OPCML: variants seen among roughly 807,000 people sequenced by gnomAD.
OPCML encodes opioid binding protein/cell adhesion molecule like.
Under a neutral mutation model 37.8 loss-of-function variants are expected in OPCML, and 13 were observed. The ratio of observed to expected loss-of-function variants is 0.34; its 90% CI spans 0.22 to 0.55. The LOEUF (loss-of-function observed/expected upper bound fraction) is 0.55, where lower values mean the gene tolerates loss of function less well. OPCML is among the 20% of genes least tolerant of loss of function. The pLI, the probability that OPCML is intolerant of heterozygous loss-of-function variation, is 0.91. For missense variants in OPCML, 341 were observed against 435.6 expected (o/e 0.78, Z 1.93); for synonymous variants, 176 against 168.8 (o/e 1.04, Z -0.33).
chr11:133,456,831 C>T (rs1233545020), intron 1 of OPCML, among the ~76,000 whole-genome samples: 2 of 149,992 alleles, frequency 1.3e-5, no homozygotes, highest in African/African-American at 4.9e-5. Flanking sequence ...TTGAAATCAT[C>T]AACTCTGAAG....
At chr11:133,353,432 T>A (rs1160714238) in intron 1 of OPCML, among the ~76,000 whole-genome samples, 1 of 152,140 alleles carries the variant, frequency 6.6e-6, no homozygotes, top group African/African-American at 2.4e-5. Context: ...TGTGCTTGGA[T>A]TACAGGCATG....
chr11:132,691,903 G>A (rs1413272027), intron 2 of OPCML, among the ~76,000 whole-genome samples: 18 of 152,170 alleles, frequency 1.2e-4, no homozygotes, highest in Admixed American at 1.0e-3. Flanking sequence ...AGCTCCAGTT[G>A]ACAGTATCGA....
chr11:133,390,728 T>G (rs1275430901), intron 1 of OPCML, among the ~76,000 whole-genome samples: 1 of 152,006 alleles, frequency 6.6e-6, no homozygotes, highest in Non-Finnish European at 1.5e-5. Flanking sequence ...CTCTAACAAC[T>G]CAATGCAGTT....
intron 3 of OPCML, among the ~76,000 whole-genome samples, chr11:132,646,708 A>T (rs1422245018): frequency 6.6e-6 from 1 of 152,196 alleles, no homozygotes; most frequent in African/African-American, 2.4e-5. Flanking sequence ...TTTTATACAC[A>T]ATGGTGTTTC....
chr11:132,544,793 G>A (rs943786263), intron 3 of OPCML, among the ~76,000 whole-genome samples: 6 of 152,172 alleles, frequency 3.9e-5, no homozygotes, highest in Admixed American at 1.3e-4. Context: ...TTTCCCACTT[G>A]TATAAATCAG....
intron 4 of OPCML, among the ~76,000 whole-genome samples, chr11:132,479,720 G>A (rs530687503): frequency 6.6e-6 from 1 of 152,290 alleles, no homozygotes; most frequent in African/African-American, 2.4e-5. Context: ...CCTGACCCCT[G>A]ACCCCCAAGC....
At chr11:133,031,216 C>G (rs935060583) in intron 1 of OPCML, among the ~76,000 whole-genome samples, 5 of 150,952 alleles carry the variant, frequency 3.3e-5, no homozygotes, top group Non-Finnish European at 7.4e-5. Context: ...GGTGGATGGA[C>G]AGATGGATGC....
At chr11:133,405,753 G>T (rs1945512295) in intron 1 of OPCML, among the ~76,000 whole-genome samples, 1 of 152,118 alleles carries the variant, frequency 6.6e-6, no homozygotes, top group African/African-American at 2.4e-5. Flanking sequence ...GAGCCTTCCT[G>T]ATCAGATTAT....
intron 4 of OPCML, among the ~76,000 whole-genome samples, chr11:132,439,113 C>T (rs2096023126): frequency 6.6e-6 from 1 of 152,286 alleles, no homozygotes; most frequent in East Asian, 1.9e-4. Flanking sequence ...CTACCCTCCT[C>T]AAACCTGGTC....
chr11:133,484,835 T>A (rs1947493467), intron 1 of OPCML, among the ~76,000 whole-genome samples: 1 of 152,132 alleles, frequency 6.6e-6, no homozygotes, highest in African/African-American at 2.4e-5. Flanking sequence ...AATTACTTTC[T>A]TGGCATTCAA....
chr11:133,299,410 T>A (rs966118441), intron 1 of OPCML: 1 of 152,260 alleles, frequency 6.6e-6, no homozygotes, highest in Non-Finnish European at 1.5e-5. Flanking sequence ...CAAAGCAGCT[T>A]ATGAACATCA....
chr11:133,478,622 A>T (rs951215799), intron 1 of OPCML, among the ~76,000 whole-genome samples: 1 of 152,202 alleles, frequency 6.6e-6, no homozygotes, highest in African/African-American at 2.4e-5. Context: ...ACACAAATGG[A>T]GTAAGACAAA....
intron 1 of OPCML, among the ~76,000 whole-genome samples, chr11:133,273,710 G>T (rs560500175): frequency 1.3e-5 from 2 of 152,172 alleles, no homozygotes; most frequent in Non-Finnish European, 2.9e-5. Context: ...CCCTCTTGGA[G>T]CCCTCTTTCC....
At chr11:133,034,891 C>T (rs58121307) in intron 1 of OPCML, among the ~76,000 whole-genome samples, 15,149 of 147,840 alleles carry the variant, frequency 0.1, 1,238 homozygotes, top group East Asian at 0.3. Context: ...GCTCTAATAG[C>T]GCTGGTTCGC....
chr11:132,436,392 G>A, intron 6 of OPCML, 155 bp from the exon 7 acceptor site: 1 of 984,530 alleles, frequency 1.0e-6, no homozygotes, highest in Non-Finnish European at 1.2e-6. Context: ...CTTGCCCAAT[G>A]GGATAAATGT....
At chr11:133,026,423 T>C in intron 1 of OPCML, 1 of 985,422 alleles carries the variant, frequency 1.0e-6, no homozygotes. Context: ...GGGAAACCTG[T>C]TTGCATCCTC....
intron 2 of OPCML, among the ~76,000 whole-genome samples, chr11:132,774,501 C>T (rs1237461709): frequency 2.0e-5 from 3 of 152,168 alleles, no homozygotes; most frequent in Non-Finnish European, 4.4e-5. Context: ...TTTTCATCTC[C>T]TGTTTTACCC....
At chr11:133,152,524 C>T (rs1026017832) in intron 1 of OPCML, among the ~76,000 whole-genome samples, 51 of 152,066 alleles carry the variant, frequency 3.4e-4, no homozygotes, top group African/African-American at 1.1e-3. Flanking sequence ...CCTCCCTAAT[C>T]CTCTCCACTC....
At chr11:132,898,613 T>C (rs981529214) in intron 2 of OPCML, among the ~76,000 whole-genome samples, 2 of 152,112 alleles carry the variant, frequency 1.3e-5, no homozygotes, top group Non-Finnish European at 2.9e-5. Flanking sequence ...TGAATCAGCA[T>C]CCAATATATG....
Sources: gnomAD v4.1 joint callset for allele counts (sites outside exome capture counted in the v4.1 genomes callset) on GRCh38, gnomAD v4.1.1 for gene constraint, MANE v1.5 for transcripts, NCBI Gene and HGNC (gene_info 2026-07-23, HGNC 2026-07-21) for gene names.